EVC: variants seen among roughly 807,000 people sequenced by gnomAD.
EVC encodes the protein evC complex member EVC.
EVC carries 116 observed loss-of-function variants against 118.9 expected under a neutral mutation model. The ratio of observed to expected loss-of-function variants is 0.98; its 90% confidence interval spans 0.84 to 1.14. EVC has a LOEUF of 1.14. Ranked by LOEUF, EVC falls within the 50% of genes most tolerant of loss-of-function variation. The pLI, the probability that EVC is intolerant of heterozygous loss-of-function variation, is 0.00. For missense variants in EVC, 1,401 were observed against 1,246.4 expected (o/e 1.12, Z -1.87); for synonymous variants, 619 against 534.7 (o/e 1.16, Z -2.18).
Position 5,810,980 on chromosome 4 carries a change from T to G in EVC, c.2922T>G (p.Ser974Arg). 6.2e-7 allele frequency: 1 copy of G among 1,613,008 alleles called. No homozygotes were observed. Among genetic ancestry groups the G allele is most frequent in the Admixed American group, 1.7e-5 (1 of 59,978 alleles). ...LSSKRLSQQE[S>R]EAGDSGNSKK... is the part of the protein sequence containing the mutation. The stretch of plus-strand genomic sequence containing the variant: ...GCAAAAGGCTGAGTCAGCAAGAAAG[T>G]GAAGCTGGGGACAGTGGGAACTCAA... The change falls in exon 21 of 21, where the codon AGT becomes AGG. Residue 974 changes from serine to arginine, a missense_variant. Ser to Arg is a moderately radical substitution (Grantham distance 110). Coordinates refer to ENST00000264956, the MANE Select transcript of EVC (RefSeq NM_153717.3).
the EVC span, among the ~76,000 whole-genome samples, chr4:5,820,587 C>T: frequency 2.0e-5 from 3 of 152,160 alleles, no homozygotes; most frequent in Non-Finnish European, 2.9e-5. Flanking sequence ...TCCCTCTCTT[C>T]GCCTCCTTGG....
At chr4:5,778,183 G>A (rs1217641747) in intron 11 of EVC, among the ~76,000 whole-genome samples, 14 of 151,290 alleles carry the variant, frequency 9.3e-5, no homozygotes, top group South Asian at 4.2e-4. Flanking sequence ...ATTTTTTATG[G>A]CTGCATAGTA....
At chr4:5,734,956 C>G (rs954043477) in intron 5 of EVC, among the ~76,000 whole-genome samples, 19 of 152,144 alleles carry the variant, frequency 1.2e-4, no homozygotes, top group Non-Finnish European at 1.5e-5. Flanking sequence ...GGGCTCAGAG[C>G]CTGTCCAGTT....
rs923378766 is a variant in EVC at position 5,811,846 on chromosome 4, C to G, written c.*809C>G. On this transcript the variant is annotated 3_prime_UTR_variant, in exon 21 of 21. Transcript: ENST00000264956. ...GCCTTTCCCACCGGTAGAGAAACTT[C>G]CAGACCAGCCCCTCACACCACAGCC... The G allele has an allele frequency of 2.0e-5, 3 of 151,694 alleles. No individual in the cohort carries two copies. Among genetic ancestry groups the G allele is most frequent in the Non-Finnish European group, 4.3e-5 (3 of 69,466 alleles). The allele number at this position is 151,694 out of a possible 1,614,324, so 9.4% of individuals were successfully genotyped here.
intron 11 of EVC, among the ~76,000 whole-genome samples, chr4:5,767,434 G>T (rs924200506): frequency 6.7e-6 from 1 of 150,360 alleles, no homozygotes; most frequent in Admixed American, 6.6e-5. Context: ...CCACCCAGTT[G>T]CAGCTTCCAG....
chr4:5,790,772 C>T (rs528088026), intron 12 of EVC, among the ~76,000 whole-genome samples: 214 of 152,222 alleles, frequency 1.4e-3, no homozygotes, highest in Non-Finnish European at 2.5e-3. Context: ...AAACAAGACA[C>T]TGAAAAAATA....
chr4:5,713,486 T>C (rs557314469), intron 1 of EVC, among the ~76,000 whole-genome samples: 1 of 152,228 alleles, frequency 6.6e-6, no homozygotes, highest in East Asian at 1.9e-4. Flanking sequence ...GAGACCAGCC[T>C]GGCCAATATG....
intron 11 of EVC, among the ~76,000 whole-genome samples, chr4:5,759,922 A>G (rs1433317778): frequency 6.6e-6 from 1 of 151,030 alleles, no homozygotes; most frequent in Non-Finnish European, 1.5e-5. Flanking sequence ...ATCAATCGGT[A>G]CATGTAAGAA....
intron 7 of EVC, among the ~76,000 whole-genome samples, chr4:5,747,236 G>T (rs1353544250): frequency 1.5e-5 from 1 of 64,638 alleles, no homozygotes; most frequent in Non-Finnish European, 2.8e-5. Flanking sequence ...ATGATCTTGA[G>T]TCACAGCAAC....
chr4:5,815,746 G>T (rs1455876718), downstream of EVC, among the ~76,000 whole-genome samples: 1 of 152,200 alleles, frequency 6.6e-6, no homozygotes. Context: ...TTAACAGAGT[G>T]TGCAGTTCGG....
At chr4:5,762,976 C>G (rs1013364025) in intron 11 of EVC, among the ~76,000 whole-genome samples, 2 of 103,728 alleles carry the variant, frequency 1.9e-5, no homozygotes, top group Non-Finnish European at 4.1e-5. Context: ...AAGTCCTTGC[C>G]CATGCCTATC....
intron 8 of EVC, among the ~76,000 whole-genome samples, chr4:5,751,310 A>G (rs1286105387): frequency 6.6e-6 from 1 of 152,026 alleles, no homozygotes; most frequent in African/African-American, 2.4e-5. Flanking sequence ...CCCATTCCAC[A>G]TCCCTCTTCT....
the EVC span, among the ~76,000 whole-genome samples, chr4:5,823,687 G>A: frequency 3.3e-5 from 5 of 152,180 alleles, no homozygotes; most frequent in African/African-American, 1.2e-4. Context: ...CTCTGCACAC[G>A]CTAGCTCTCC....
At chr4:5,821,483 A>T in the EVC span, 1 of 499,648 alleles carries the variant, frequency 2.0e-6, no homozygotes, top group Non-Finnish European at 3.6e-6. This position sits in a 1 kb window ranked among gnomAD's most constrained non-coding sequence, Gnocchi z 4.4. Flanking sequence ...ACAGAACAAG[A>T]CAATGCTAAA....
rs1871584 is a variant in EVC at position 5,743,993 on chromosome 4, A to G, written c.802-1211A>G. ...CTTGGAGTCTGCAGACCTCAGATCA[A>G]ATTCCATCTCTACGAGTTAAACAAG... On this transcript the variant is annotated intron_variant, in intron 6 of 20. Coordinates refer to ENST00000264956, the MANE Select transcript of EVC (RefSeq NM_153717.3). The surrounding 1 kb of genome is among the most constrained non-coding windows in gnomAD (Gnocchi z 4.7). Among the ~76,000 whole-genome samples, 74,795 of 152,052 alleles carry G rather than the reference A, an allele frequency of 0.49. 18,585 individuals are homozygous for G. Among genetic ancestry groups the G allele is most frequent in the Middle Eastern group, 0.52 (152 of 294 alleles).
intron 17 of EVC, 69 bp from the exon 18 acceptor site, chr4:5,808,132 T>TCCCCCCCCCCCCCCCCCCCCC: frequency 2.2e-6 from 1 of 464,748 alleles, no homozygotes; most frequent in Non-Finnish European, 4.1e-6. Flanking sequence ...GCCTTCCTTC[T>TCCCCCCCCCCCCCCCCCCCCC]CCCTCCCTCC....
chr4:5,821,645 T>A, the EVC span: 2 of 972,634 alleles, frequency 2.1e-6, no homozygotes, highest in South Asian at 1.6e-5. This position sits in a 1 kb window ranked among gnomAD's most constrained non-coding sequence, Gnocchi z 4.4. Flanking sequence ...ATCCTTCGAC[T>A]TCCCCCTCCC....
chr4:5,720,181 T>C (rs1339232846), intron 2 of EVC, among the ~76,000 whole-genome samples: 1 of 152,178 alleles, frequency 6.6e-6, no homozygotes, highest in African/African-American at 2.4e-5. Flanking sequence ...CTTCATCTTC[T>C]GGAATAAGGG....
the EVC span, chr4:5,826,404 G>A: frequency 0.014 from 2,103 of 152,784 alleles, 28 homozygotes; most frequent in South Asian, 0.04. Context: ...AGTACAGAGG[G>A]ACAAGGAGTG....
Sources: allele counts gnomAD v4.1 joint callset (sites outside exome capture counted in the v4.1 genomes callset), GRCh38; gene constraint gnomAD v4.1.1; non-coding constraint Gnocchi (gnomAD v3.1); transcripts MANE v1.5; gene names NCBI Gene and HGNC (gene_info 2026-07-23, HGNC 2026-07-21).